TENM2: variants seen among roughly 807,000 people sequenced by gnomAD.
TENM2 encodes teneurin-2.
TENM2 carries 52 observed loss-of-function variants against 245.2 expected under a neutral mutation model. That is an observed-to-expected ratio of 0.21 (90% CI 0.17 to 0.27). The LOEUF is 0.27. Among genes scored for constraint, TENM2 ranks in the 10% least tolerant of loss-of-function variants. TENM2 has a pLI of 1.00. For missense variants in TENM2, 3,046 were observed against 3,666.8 expected (o/e 0.83, Z 4.37); for synonymous variants, 1,363 against 1,438.9 (o/e 0.95, Z 1.19).
At chr5:167,362,624 T>A (rs548673531) in intron 1 of TENM2, among the ~76,000 whole-genome samples, 15 of 152,336 alleles carry the variant, frequency 9.8e-5, no homozygotes, top group African/African-American at 3.6e-4. Flanking sequence ...TAAATGCAAG[T>A]GTCATGTGCC....
the TENM2 span, among the ~76,000 whole-genome samples, chr5:166,980,185 C>T: frequency 6.6e-6 from 1 of 152,246 alleles, no homozygotes; most frequent in East Asian, 1.9e-4. Context: ...CACATACTGT[C>T]TTGGGCTCCA....
At chr5:167,032,408 G>A in the TENM2 span, among the ~76,000 whole-genome samples, 1 of 152,140 alleles carries the variant, frequency 6.6e-6, no homozygotes, top group African/African-American at 2.4e-5. Flanking sequence ...TTTGATCACT[G>A]GTAGGAGGGA....
chr5:167,931,857 C>T (rs2151709147), intron 3 of TENM2, among the ~76,000 whole-genome samples: 1 of 152,318 alleles, frequency 6.6e-6, no homozygotes, highest in East Asian at 1.9e-4. Context: ...GCTGTGTCTA[C>T]TTCTGCCGTT....
chr5:167,067,226 A>C, the TENM2 span, among the ~76,000 whole-genome samples: 1 of 152,204 alleles, frequency 6.6e-6, no homozygotes. Flanking sequence ...AAGCAAAATA[A>C]GATTTGAACC....
the TENM2 span, chr5:167,116,321 G>T: frequency 6.6e-6 from 1 of 152,186 alleles, no homozygotes; most frequent in East Asian, 1.9e-4. Context: ...CTGTTGCAGA[G>T]TCCCCCAGCC....
intron 5 of TENM2, among the ~76,000 whole-genome samples, chr5:168,012,800 C>G (rs566507448): frequency 9.2e-4 from 128 of 138,830 alleles, no homozygotes; most frequent in African/African-American, 3.7e-3. Flanking sequence ...AAAAAAAACC[C>G]TAACAGTGGT....
chr5:168,254,085 C>T (rs1362642613), intron 27 of TENM2, among the ~76,000 whole-genome samples: 6 of 152,250 alleles, frequency 3.9e-5, no homozygotes, highest in Admixed American at 3.9e-4. Flanking sequence ...TCATCCTCTT[C>T]TCATATTTAC....
intron 3 of TENM2, among the ~76,000 whole-genome samples, chr5:167,932,683 A>C (rs983429584): frequency 2.6e-5 from 4 of 152,110 alleles, no homozygotes; most frequent in Admixed American, 6.5e-5. Context: ...AAGAATCAGC[A>C]ATTTTTTTTT....
At chr5:168,057,310 AACACAC>A (rs112117017) in intron 6 of TENM2, among the ~76,000 whole-genome samples, 1 of 149,016 alleles carries the variant, frequency 6.7e-6, no homozygotes, top group East Asian at 2.0e-4. Context: ...CGCCTCGCCC[AACACAC>A]ACACACACAC....
chr5:168,132,184 C>T (rs1754647423), intron 12 of TENM2, among the ~76,000 whole-genome samples: 1 of 152,098 alleles, frequency 6.6e-6, no homozygotes, highest in South Asian at 2.1e-4. Flanking sequence ...CTTACAGAAA[C>T]ATGTTTTCAC....
intron 2 of TENM2, 27 bp from the exon 5 acceptor site, chr5:167,875,959 C>T (rs967636880): frequency 2.0e-6 from 3 of 1,523,376 alleles, no homozygotes; most frequent in Admixed American, 2.0e-5. Context: ...CATTGCTGAC[C>T]TTTGACCCCT....
chr5:167,713,495 C>T (rs896795650), intron 2 of TENM2, among the ~76,000 whole-genome samples: 2 of 152,060 alleles, frequency 1.3e-5, no homozygotes, highest in Non-Finnish European at 2.9e-5. Context: ...TGCACACACA[C>T]AAACTCAGGA....
At chr5:168,123,479 G>A (rs1312371502) in intron 10 of TENM2, among the ~76,000 whole-genome samples, 2 of 152,162 alleles carry the variant, frequency 1.3e-5, no homozygotes, top group African/African-American at 2.4e-5. Flanking sequence ...TTCAATCTTG[G>A]CATTGTGGAA....
intron 2 of TENM2, among the ~76,000 whole-genome samples, chr5:167,491,808 A>G (rs1768442353): frequency 6.6e-6 from 1 of 152,120 alleles, no homozygotes; most frequent in Admixed American, 6.5e-5. Flanking sequence ...CCACCCACAT[A>G]CAACCAACTA....
chr5:167,209,547 C>T, the TENM2 span, among the ~76,000 whole-genome samples: 2 of 152,136 alleles, frequency 1.3e-5, no homozygotes, highest in Non-Finnish European at 2.9e-5. Flanking sequence ...AGCCACCACA[C>T]CTGGAAATTT....
At chr5:167,952,177 A>G (rs537739823) in intron 3 of TENM2, among the ~76,000 whole-genome samples, 103 of 152,328 alleles carry the variant, frequency 6.8e-4, no homozygotes, top group Middle Eastern at 3.4e-3. Context: ...TATTCTTAAT[A>G]TCTTCAAAAG....
the TENM2 span, among the ~76,000 whole-genome samples, chr5:167,220,296 G>A: frequency 5.9e-5 from 9 of 152,096 alleles, no homozygotes; most frequent in East Asian, 1.9e-4. Flanking sequence ...GTGTTTGTTC[G>A]TTTTTGGCAC....
intron 2 of TENM2, among the ~76,000 whole-genome samples, chr5:167,441,170 T>C (rs1464548683): frequency 6.6e-6 from 1 of 152,196 alleles, no homozygotes; most frequent in East Asian, 1.9e-4. Context: ...TTGGGTTTCC[T>C]AGGTATTAAT....
chr5:167,375,329 G>A (rs895235548), exon 2 of TENM2: 4 of 1,551,564 alleles, frequency 2.6e-6, no homozygotes, highest in South Asian at 1.2e-5. Flanking sequence ...CTCCGACACC[G>A]AGGGAGGGAT....
Sources: allele counts gnomAD v4.1 joint callset (sites outside exome capture counted in the v4.1 genomes callset), GRCh38; gene constraint gnomAD v4.1.1; transcripts MANE v1.5; gene names NCBI Gene and HGNC (gene_info 2026-07-23, HGNC 2026-07-21).